Variants in MCF2L2 observed in about 807,000 individuals in gnomAD.
The protein encoded by MCF2L2 is probable guanine nucleotide exchange factor MCF2L2.
In MCF2L2, 102 loss-of-function variants were observed where a neutral mutation model predicts 150.2. The ratio of observed to expected loss-of-function variants is 0.68; its 90% CI spans 0.58 to 0.80. The LOEUF (loss-of-function observed/expected upper bound fraction) is 0.80. Ranked by LOEUF, MCF2L2 falls within the 30% of genes least tolerant of loss-of-function variation. The pLI, the probability that MCF2L2 is intolerant of heterozygous loss-of-function variation, is 0.00. For synonymous variants in MCF2L2, 465 were observed against 491.3 expected, an observed-to-expected ratio of 0.95 and a Z score of 0.71; for missense variants, 1,256 against 1,372.8, an observed-to-expected ratio of 0.91 and a Z score of 1.34.
chr3:183,185,416 G>T (rs1367582229), intron 27 of MCF2L2, among the ~76,000 whole-genome samples: 2 of 152,166 alleles, frequency 1.3e-5, no homozygotes, highest in African/African-American at 4.8e-5. Context: ...CAAGCCTAAG[G>T]GCTTCATCTC....
chr3:183,261,570 C>G (rs772521654), intron 15 of MCF2L2, among the ~76,000 whole-genome samples: 1 of 152,060 alleles, frequency 6.6e-6, no homozygotes, highest in African/African-American at 2.4e-5. Flanking sequence ...AAGCATATCA[C>G]TTTTAAAGGG....
At chr3:183,311,573 T>C in intron 8 of MCF2L2, 75 bp downstream of exon 8, 1 of 1,539,606 alleles carries the variant, frequency 6.5e-7, no homozygotes. Context: ...TGTTCCAATC[T>C]GTTCTTGGTT....
intron 2 of MCF2L2, among the ~76,000 whole-genome samples, chr3:183,382,671 A>G (rs1713603335): frequency 6.6e-6 from 1 of 152,238 alleles, no homozygotes. Context: ...AAGGAATACA[A>G]ACAACCCCAA....
intron 15 of MCF2L2, among the ~76,000 whole-genome samples, chr3:183,244,006 C>T (rs1248816102): frequency 6.6e-6 from 1 of 152,106 alleles, no homozygotes; most frequent in African/African-American, 2.4e-5. Context: ...CACCTGTAGT[C>T]CCAGCTACTC....
intron 22 of MCF2L2, among the ~76,000 whole-genome samples, chr3:183,208,521 G>A (rs972223549): frequency 6.6e-6 from 1 of 152,218 alleles, no homozygotes. Flanking sequence ...TTTGTCATAT[G>A]TCTGGTTGAA....
intron 1 of MCF2L2, among the ~76,000 whole-genome samples, chr3:183,395,917 C>CAAAAAAAAA (rs11338932): frequency 1.2e-4 from 7 of 58,068 alleles, no homozygotes; most frequent in African/African-American, 2.8e-4. Context: ...GACATCGTCT[C>CAAAAAAAAA]AAAAAAAAAA....
At chr3:183,321,450 A>G (rs1314281417) in intron 6 of MCF2L2, among the ~76,000 whole-genome samples, 14 of 151,910 alleles carry the variant, frequency 9.2e-5, no homozygotes, top group Admixed American at 2.6e-4. Context: ...AAAAAAAAAA[A>G]AAAGAAAGAA....
chr3:183,338,382 G>A (rs748830779), intron 5 of MCF2L2, among the ~76,000 whole-genome samples: 6 of 151,030 alleles, frequency 4.0e-5, no homozygotes, highest in Non-Finnish European at 8.8e-5. Context: ...GAGAGGCGAA[G>A]GTTGTGGTGA....
chr3:183,191,638 T>C (rs1418091706), intron 27 of MCF2L2, among the ~76,000 whole-genome samples: 1 of 152,144 alleles, frequency 6.6e-6, no homozygotes, highest in African/African-American at 2.4e-5. Context: ...CAAATTTCTT[T>C]CTCCTTCTTC....
In MCF2L2 at chr3:183,207,591, A is replaced by C. The variant is rs1722541096; in HGVS notation, c.2712+17T>G. The stretch of plus-strand genomic sequence containing the variant: ...TCTGCATAGGGCGACTCCCAGATGC[A>C]ATAGGACTCCCTTTACCTTCATGGT... On this transcript the variant is annotated intron_variant, in intron 23 of 29. Transcript: ENST00000328913. The C allele has an allele frequency of 6.3e-7, 1 of 1,582,606 alleles. No individual in the cohort carries two copies. The highest frequency in any genetic ancestry group is 1.3e-5 in the African/African-American group (1 of 74,268).
chr3:183,300,089 G>T lies in MCF2L2; in HGVS notation c.1221C>A (p.His407Gln). ...AIRPRCVELR[H>Q]LCDDFINGNK... is the part of the protein sequence containing the mutation. The stretch of plus-strand genomic sequence containing the variant: ...TTCCATTGATGAAATCGTCACAGAG[G>T]TGCCTGAGCTCCACACACCGGGGCC... The change falls in exon 11 of 30, where the codon CAC (histidine) becomes CAA (glutamine). Residue 407 changes from histidine (H) to glutamine (Q), a missense_variant. Transcript: ENST00000328913. 1.2e-6 allele frequency: 2 copies of T among 1,613,640 alleles called. No homozygotes were observed. Among genetic ancestry groups the T allele is most frequent in the Non-Finnish European group, 8.5e-7 (1 of 1,179,860 alleles).
chr3:183,416,608 T>A (rs1433984768), intron 1 of MCF2L2, among the ~76,000 whole-genome samples: 1 of 152,216 alleles, frequency 6.6e-6, no homozygotes, highest in Non-Finnish European at 1.5e-5. Context: ...GATGGCTTGA[T>A]TTATGATTTT....
At chr3:183,423,580 G>GC (rs1322441902) in intron 1 of MCF2L2, among the ~76,000 whole-genome samples, 1 of 151,060 alleles carries the variant, frequency 6.6e-6, no homozygotes, top group East Asian at 1.9e-4. Flanking sequence ...TGCTGGAAAT[G>GC]CAAAACCTCT....
chr3:183,323,238 G>A lies in MCF2L2; in HGVS notation c.600C>T (p.Arg200=). 4.4e-6 allele frequency: 7 copies of A among 1,604,740 alleles called. No individual in the cohort carries two copies. The South Asian group carries it at 5.5e-5, about 13-fold the overall frequency. Residue 200 remains arginine, a synonymous_variant, in exon 6 of 30, where the codon CGC becomes CGT. Coordinates refer to ENST00000328913, the MANE Select transcript of MCF2L2 (RefSeq NM_015078.4). ...GCACACGTAAGCTGGTACTCACAGTGCGGTGATTTACCCACTGACCGTGGC... is the reference window on the plus strand; with the variant it reads ...GCACACGTAAGCTGGTACTCACAGTACGGTGATTTACCCACTGACCGTGGC... ...EYRHGQWVNH[R]TAIENFALTL...
chr3:183,230,625 A>G (rs1188421288), intron 16 of MCF2L2, among the ~76,000 whole-genome samples: 1 of 152,224 alleles, frequency 6.6e-6, no homozygotes, highest in African/African-American at 2.4e-5. Flanking sequence ...GAAAAAGACT[A>G]CTTTAAAAAA....
At chr3:183,244,444 C>T (rs1380772156) in intron 15 of MCF2L2, among the ~76,000 whole-genome samples, 1 of 152,158 alleles carries the variant, frequency 6.6e-6, no homozygotes, top group African/African-American at 2.4e-5. Context: ...CTTGCAGATG[C>T]CTATTGTGGG....
intron 7 of MCF2L2, among the ~76,000 whole-genome samples, chr3:183,312,314 T>C (rs1291564082): frequency 6.6e-6 from 1 of 152,198 alleles, no homozygotes; most frequent in African/African-American, 2.4e-5. Flanking sequence ...CATGGAAAGA[T>C]TCATACTTCC....
intron 13 of MCF2L2, among the ~76,000 whole-genome samples, chr3:183,294,841 G>A (rs1434993096): frequency 6.6e-6 from 1 of 151,986 alleles, no homozygotes; most frequent in East Asian, 1.9e-4. Context: ...TGTTAGCCAG[G>A]ATGGTCTCGA....
At chr3:183,201,056 C>T (rs142733332) in intron 25 of MCF2L2, among the ~76,000 whole-genome samples, 3,810 of 152,216 alleles carry the variant, frequency 0.025, 148 homozygotes, top group African/African-American at 0.086. Flanking sequence ...AGTCAGGTAG[C>T]GTGATGCCTC....
Sources: allele counts gnomAD v4.1 joint callset (sites outside exome capture counted in the v4.1 genomes callset), GRCh38; gene constraint gnomAD v4.1.1; transcripts MANE v1.5; gene names NCBI Gene and HGNC (gene_info 2026-07-23, HGNC 2026-07-21).